Variants in RBM20 observed in about 807,000 individuals in gnomAD.
RBM20 encodes RNA binding motif protein 20, also known as RNA-binding protein 20.
In RBM20, 51 loss-of-function variants were observed where a neutral mutation model predicts 110.1. The observed-to-expected ratio is 0.46, with a 90% CI of 0.37 to 0.59. The LOEUF (loss-of-function observed/expected upper bound fraction) is 0.59. RBM20 is among the 20% of genes least tolerant of loss of function. RBM20 has a pLI of 0.00. For missense variants in RBM20, 1,512 were observed against 1,574.9 expected, an observed-to-expected ratio of 0.96 and a Z score of 0.68; for synonymous variants, 589 against 618.2, an observed-to-expected ratio of 0.95 and a Z score of 0.70.
At chr10:110,814,498 G>GTT (rs879506869) in intron 9 of RBM20, among the ~76,000 whole-genome samples, 3 of 145,674 alleles carry the variant, frequency 2.1e-5, no homozygotes, top group Non-Finnish European at 4.6e-5. Context: ...GTTTTGTTTT[G>GTT]TTTTTTTTTT....
intron 1 of RBM20, among the ~76,000 whole-genome samples, chr10:110,716,558 T>C (rs1863020436): frequency 1.3e-5 from 2 of 152,134 alleles, no homozygotes; most frequent in African/African-American, 4.8e-5. Flanking sequence ...TGATCAGAGT[T>C]CAGAAGACAG....
At chr10:110,824,484 ACTGTGTGCCCTCAGGTAAGTCATACCC>A (rs201202044) in intron 12 of RBM20, among the ~76,000 whole-genome samples, 1 of 152,150 alleles carries the variant, frequency 6.6e-6, no homozygotes, top group East Asian at 1.9e-4. Flanking sequence ...CTTATGGGTG[ACTGTGTGCCCTCAGGTAAGTCATACCC>A]CTTCTTGAGC....
rs936432544 is a variant in RBM20 at position 110,669,169 on chromosome 10, A to T, written c.191+24524A>T. On this transcript the variant is annotated intron_variant, in intron 1 of 13. Transcript: ENST00000369519. Reference sequence around the variant, plus strand: ...TGGAGAATAAGCAGAAGATTAATTTAAAATACTGGTTACTTTGGCTAATCC... The same window carrying T: ...TGGAGAATAAGCAGAAGATTAATTTTAAATACTGGTTACTTTGGCTAATCC... Among the ~76,000 whole-genome samples the T allele has an allele frequency of 3.9e-5, 6 of 152,332 alleles. No individual in the cohort carries two copies. The East Asian group carries it at 5.8e-4, about 15-fold the overall frequency.
At chr10:110,788,260 C>T (rs1380635556) in intron 5 of RBM20, among the ~76,000 whole-genome samples, 3 of 152,192 alleles carry the variant, frequency 2.0e-5, no homozygotes, top group Admixed American at 6.5e-5. Context: ...TCTGAGGCTG[C>T]GTTGCAGGTG....
chr10:110,727,775 A>G (rs548042112), intron 1 of RBM20, among the ~76,000 whole-genome samples: 3 of 152,066 alleles, frequency 2.0e-5, no homozygotes, highest in East Asian at 1.9e-4. Context: ...TGCCTTAGGT[A>G]TTTGTCCTAA....
intron 12 of RBM20, among the ~76,000 whole-genome samples, chr10:110,825,270 C>G (rs1230938478): frequency 6.6e-6 from 1 of 152,190 alleles, no homozygotes; most frequent in Non-Finnish European, 1.5e-5. Flanking sequence ...GCTAGACACT[C>G]TGGGGTAACC....
chr10:110,677,637 G>A (rs574424057), intron 1 of RBM20, among the ~76,000 whole-genome samples: 1 of 152,278 alleles, frequency 6.6e-6, no homozygotes, highest in African/African-American at 2.4e-5. Flanking sequence ...ATCTTAAAGG[G>A]GACAAATATT....
intron 9 of RBM20, among the ~76,000 whole-genome samples, chr10:110,813,520 T>C (rs1371073227): frequency 7.2e-5 from 11 of 152,104 alleles, no homozygotes; most frequent in African/African-American, 2.7e-4. Flanking sequence ...CTGTCCACAG[T>C]GTTTTACCTC....
intron 1 of RBM20, among the ~76,000 whole-genome samples, chr10:110,683,454 GC>G (rs1162040356): frequency 6.6e-6 from 1 of 152,192 alleles, no homozygotes; most frequent in Non-Finnish European, 1.5e-5. Context: ...TCTCGTAAAT[GC>G]TAGGTCAGGT....
intron 1 of RBM20, 49 bp from the exon 2 acceptor site, chr10:110,780,752 C>T (rs1042452407): frequency 2.0e-6 from 3 of 1,466,902 alleles, no homozygotes; most frequent in South Asian, 2.9e-5. Flanking sequence ...AGCCCCTTGC[C>T]CCCCTCATTG....
intron 1 of RBM20, among the ~76,000 whole-genome samples, chr10:110,692,215 G>A (rs1326187732): frequency 6.6e-6 from 1 of 152,010 alleles, no homozygotes; most frequent in Non-Finnish European, 1.5e-5. Context: ...TCCCAACTTT[G>A]TTCCTCTTTT....
At chr10:110,791,880 G>A (rs9633719) in intron 5 of RBM20, among the ~76,000 whole-genome samples, 26,066 of 140,756 alleles carry the variant, frequency 0.19, 2,743 homozygotes, top group East Asian at 0.56. Flanking sequence ...GACCTCTGCT[G>A]GAAAGTTTTC....
At chr10:110,828,558 G>A (rs1845010319) in intron 12 of RBM20, among the ~76,000 whole-genome samples, 1 of 152,172 alleles carries the variant, frequency 6.6e-6, no homozygotes, top group African/African-American at 2.4e-5. Flanking sequence ...CCAACATTTA[G>A]GCAGTTATTA....
chr10:110,682,644 T>C (rs966047247), intron 1 of RBM20, among the ~76,000 whole-genome samples: 3 of 152,236 alleles, frequency 2.0e-5, no homozygotes, highest in African/African-American at 7.2e-5. Context: ...AGGTTATGTG[T>C]GTTGGAAGAA....
intron 2 of RBM20, among the ~76,000 whole-genome samples, chr10:110,783,149 A>G (rs1844375704): frequency 2.0e-5 from 3 of 152,106 alleles, no homozygotes; most frequent in Non-Finnish European, 2.9e-5. Flanking sequence ...CATGAGATGT[A>G]TGGATGAGGA....
At chr10:110,736,680 T>C (rs914043118) in intron 1 of RBM20, among the ~76,000 whole-genome samples, 9 of 152,144 alleles carry the variant, frequency 5.9e-5, no homozygotes, top group African/African-American at 1.2e-4. Flanking sequence ...TGTGGGCCTA[T>C]TGAGATCCAC....
intron 1 of RBM20, among the ~76,000 whole-genome samples, chr10:110,727,598 T>C (rs1423729882): frequency 6.6e-6 from 1 of 152,172 alleles, no homozygotes; most frequent in Admixed American, 6.5e-5. Context: ...CTCTTGGCTC[T>C]TATTTATAAG....
intron 1 of RBM20, among the ~76,000 whole-genome samples, chr10:110,760,537 T>C (rs1020341245): frequency 7.1e-6 from 1 of 140,272 alleles, no homozygotes; most frequent in African/African-American, 2.7e-5. Flanking sequence ...GCCTCCTGGG[T>C]TCAAGCAATT....
chr10:110,794,776 G>A (rs980207628), intron 5 of RBM20, among the ~76,000 whole-genome samples: 10 of 152,226 alleles, frequency 6.6e-5, no homozygotes, highest in African/African-American at 1.9e-4. Flanking sequence ...AATTTTAATT[G>A]AGACCCATTC....
Sources: allele counts gnomAD v4.1 joint callset (sites outside exome capture counted in the v4.1 genomes callset), GRCh38; gene constraint gnomAD v4.1.1; transcripts MANE v1.5; gene names NCBI Gene and HGNC (gene_info 2026-07-23, HGNC 2026-07-21).